The following NPC1 variants were observed in gnomAD, a reference collection of about 807,000 sequenced individuals.
The protein encoded by NPC1 is Niemann-Pick C1 protein.
Under a neutral mutation model 140.4 loss-of-function variants are expected in NPC1, and 85 were observed. The ratio of observed to expected loss-of-function variants is 0.61; its 90% confidence interval spans 0.51 to 0.72. NPC1 has a LOEUF of 0.72. NPC1 is among the 30% of genes least tolerant of loss of function. The pLI is 0.00. For missense variants in NPC1, 1,504 were observed against 1,623.8 expected (o/e 0.93, Z 1.27); for synonymous variants, 656 against 624.8 (o/e 1.05, Z -0.74).
chr18:23,530,547 A>G, downstream of NPC1: 1 of 1,614,250 alleles, frequency 6.2e-7, no homozygotes, highest in Non-Finnish European at 8.5e-7. Flanking sequence ...ATGCTTTTCT[A>G]TACAATATTC....
In NPC1 at chr18:23,567,462, T is replaced by G. The variant is rs185937439; in HGVS notation, c.463+1361A>C. Among the ~76,000 whole-genome samples, 494 of 152,364 alleles carry G rather than the reference T, an allele frequency of 3.2e-3. 3 individuals are homozygous for G. Among genetic ancestry groups the G allele is most frequent in the African/African-American group, 0.011 (472 of 41,588 alleles). ...TGGTGAGGTATCTGTTCAGGTTGTT[T>G]TGTCCATTTTTCAATTGGGCTGTTT... On this transcript the variant is annotated intron_variant, in intron 4 of 24. Coordinates refer to ENST00000269228, the MANE Select transcript of NPC1 (RefSeq NM_000271.5).
intron 4 of NPC1, among the ~76,000 whole-genome samples, chr18:23,567,318 G>T (rs544291176): frequency 1.3e-5 from 2 of 152,132 alleles, no homozygotes; most frequent in Non-Finnish European, 2.9e-5. Flanking sequence ...AAAGCGTCTT[G>T]AATTTTTGCC....
chr18:23,569,325 AATT>A (rs144380072), intron 3 of NPC1, among the ~76,000 whole-genome samples: 1,691 of 152,206 alleles, frequency 0.011, 28 homozygotes, highest in African/African-American at 0.039. Flanking sequence ...TCAGGAAGAC[AATT>A]ATTATTATTT....
chr18:23,541,477 G>A lies in NPC1; in HGVS notation c.2246-44C>T, dbSNP rs996706113. ...CTCTGCGTCACTTCTGTTTACAGCC[G>A]GGGGCTCTCTGCAGGTCTTATGTTC... On this transcript the variant is annotated intron_variant, in intron 14 of 24. Coordinates refer to ENST00000269228, the MANE Select transcript of NPC1 (RefSeq NM_000271.5). 11 of 1,613,006 alleles carry A rather than the reference G, an allele frequency of 6.8e-6. No individual in the cohort carries two copies. The East Asian group carries it at 1.6e-4, about 23-fold the overall frequency.
At chr18:23,536,537 A>C in intron 21 of NPC1, 136 bp downstream of exon 21, 1 of 722,622 alleles carries the variant, frequency 1.4e-6, no homozygotes, top group Non-Finnish European at 2.4e-6. Context: ...CCTTTGATAT[A>C]CTGCCCTGTG....
intron 8 of NPC1, among the ~76,000 whole-genome samples, chr18:23,555,665 G>A (rs537359562): frequency 6.6e-6 from 1 of 152,290 alleles, no homozygotes; most frequent in African/African-American, 2.4e-5. Context: ...AGTGTGACAG[G>A]GACAATGGGA....
At chr18:23,568,585 C>T (rs2059158729) in intron 4 of NPC1, among the ~76,000 whole-genome samples, 1 of 152,152 alleles carries the variant, frequency 6.6e-6, no homozygotes, top group African/African-American at 2.4e-5. Flanking sequence ...CTTGCACATA[C>T]TAAAATTTTC....
intron 6 of NPC1, 58 bp from the exon 7 acceptor site, chr18:23,557,248 T>C: frequency 1.5e-6 from 2 of 1,316,566 alleles, no homozygotes; most frequent in Non-Finnish European, 2.2e-6. Context: ...GAGGTTGTTT[T>C]TGGGACATTC....
intron 20 of NPC1, 36 bp from the exon 21 acceptor site, chr18:23,536,912 G>A (rs1400894825): frequency 6.4e-7 from 1 of 1,566,846 alleles, no homozygotes. Context: ...GAGAGTCCAG[G>A]TCTTGCAAAA....
chr18:23,532,767 G>A, intron 24 of NPC1: 1 of 401,308 alleles, frequency 2.5e-6, no homozygotes, highest in Non-Finnish European at 3.4e-6. Context: ...ATCCCCCGGA[G>A]ATGATAAAAA....
chr18:23,564,579 AC>A (rs983641859), intron 4 of NPC1, among the ~76,000 whole-genome samples: 17 of 151,922 alleles, frequency 1.1e-4, no homozygotes, highest in African/African-American at 4.1e-4. Context: ...TGCCTCAGCC[AC>A]CCGAACTGCT....
rs911450454 is a variant in NPC1, at chr18:23,509,425, A to G, written c.432-2783T>C. 1.5e-5 allele frequency: 5 copies of G among 330,614 alleles called. No homozygotes were observed. In the East Asian group the frequency reaches 2.6e-4, roughly 17 times the overall value. 20.5% of individuals were successfully genotyped at this position (330,614 alleles called of 1,614,324 possible). ...TGCTCTGTTGCCCAGGCTGCAGTGCAGTGGCACCATCATGGCTCACTGTAA... is the reference window on the plus strand; with the variant it reads ...TGCTCTGTTGCCCAGGCTGCAGTGCGGTGGCACCATCATGGCTCACTGTAA... On this transcript the variant is annotated intron_variant, in intron 3 of 3. Transcript: ENST00000591107.
downstream of NPC1, among the ~76,000 whole-genome samples, chr18:23,525,645 G>A (rs565799137): frequency 2.0e-5 from 3 of 151,866 alleles, no homozygotes; most frequent in Non-Finnish European, 4.4e-5. Flanking sequence ...GGATGGTCTC[G>A]ATCTCCTGAC....
intron 14 of NPC1, among the ~76,000 whole-genome samples, chr18:23,542,534 C>T (rs1400082494): frequency 1.3e-5 from 2 of 152,182 alleles, no homozygotes; most frequent in African/African-American, 4.8e-5. Context: ...TCTTACTACA[C>T]TTCAGACATG....
rs2058680547 is a variant in NPC1 at position 23,539,443 on chromosome 18, G to A, written c.2823C>T (p.Ser941=). 1.2e-6 allele frequency: 2 copies of A among 1,613,452 alleles called. No homozygotes were observed. The highest frequency in any genetic ancestry group is 2.2e-5 in the South Asian group (2 of 90,824). Residue 941 remains serine (S), a synonymous_variant, in exon 19 of 25, where the codon TCC becomes TCT. Transcript: ENST00000269228. The stretch of plus-strand genomic sequence containing the variant: ...CCCAGTCGAAATAATCGTCGATCCA[G>A]GACGAGGGGGCGAAGCCTATTCGGG... ...NYTRIGFAPS[S]WIDDYFDWVK...
intron 1 of NPC1, chr18:23,524,257 C>T: frequency 1.3e-6 from 2 of 1,558,762 alleles, no homozygotes; most frequent in Non-Finnish European, 1.8e-6. Flanking sequence ...CTCCTCCGGG[C>T]AGCTGTGAAT....
At chr18:23,540,781 T>C (rs894565175) in intron 16 of NPC1, among the ~76,000 whole-genome samples, 2 of 152,326 alleles carry the variant, frequency 1.3e-5, no homozygotes, top group Middle Eastern at 6.8e-3. Flanking sequence ...TCACCTCTCT[T>C]GGCTTCTATT....
chr18:23,546,686 A>G (rs1488039481), intron 11 of NPC1, among the ~76,000 whole-genome samples: 1 of 152,252 alleles, frequency 6.6e-6, no homozygotes, highest in Admixed American at 6.5e-5. Context: ...TGGAGTACTG[A>G]TACATGCCAC....
intron 3 of NPC1, among the ~76,000 whole-genome samples, chr18:23,569,652 G>A (rs996560813): frequency 2.0e-5 from 3 of 152,146 alleles, no homozygotes; most frequent in Non-Finnish European, 4.4e-5. Flanking sequence ...ATAAAATAAT[G>A]AGAATTATGA....
Sources: gnomAD v4.1 joint callset for allele counts (sites outside exome capture counted in the v4.1 genomes callset) on GRCh38, gnomAD v4.1.1 for gene constraint, MANE v1.5 for transcripts, NCBI Gene and HGNC (gene_info 2026-07-23, HGNC 2026-07-21) for gene names.